DCLK1: variants seen among roughly 807,000 people sequenced by gnomAD.
DCLK1 encodes serine/threonine-protein kinase DCLK1.
A neutral mutation model predicts 86.2 loss-of-function variants in DCLK1; 16 were observed. The observed-to-expected ratio is 0.19, with a 90% CI of 0.13 to 0.28. The LOEUF (loss-of-function observed/expected upper bound fraction) is 0.28, where lower values mean the gene tolerates loss of function less well. DCLK1 is among the 10% of genes least tolerant of loss of function. DCLK1 has a pLI of 1.00. For missense variants in DCLK1, 590 were observed against 940.2 expected (o/e 0.63, Z 4.87); for synonymous variants, 369 against 370.5 (o/e 1.00, Z 0.05).
intron 4 of DCLK1, among the ~76,000 whole-genome samples, chr13:35,895,655 G>C (rs1873918797): frequency 6.6e-6 from 1 of 151,638 alleles, no homozygotes; most frequent in African/African-American, 2.4e-5. Context: ...CAAGATTTTA[G>C]AGAGGAACAC....
At chr13:36,100,016 T>C (rs980451074) in intron 3 of DCLK1, among the ~76,000 whole-genome samples, 2 of 151,542 alleles carry the variant, frequency 1.3e-5, no homozygotes, top group Non-Finnish European at 2.9e-5. Flanking sequence ...TGACACACAA[T>C]GTAAATAAAG....
intron 4 of DCLK1, among the ~76,000 whole-genome samples, chr13:35,887,758 G>T (rs1452901715): frequency 6.6e-6 from 1 of 151,494 alleles, no homozygotes; most frequent in Non-Finnish European, 1.5e-5. Context: ...AATAAAAATA[G>T]AAGCTTTCAA....
intron 15 of DCLK1, among the ~76,000 whole-genome samples, chr13:35,803,131 T>C (rs2086955772): frequency 6.6e-6 from 1 of 152,160 alleles, no homozygotes; most frequent in African/African-American, 2.4e-5. Flanking sequence ...AGTGAGGATA[T>C]CTGGCTGCAA....
chr13:35,872,918 T>C (rs1037631922), intron 4 of DCLK1, among the ~76,000 whole-genome samples: 1 of 152,210 alleles, frequency 6.6e-6, no homozygotes, highest in African/African-American at 2.4e-5. Flanking sequence ...TTATATATTA[T>C]AATCATCTTT....
intron 3 of DCLK1, among the ~76,000 whole-genome samples, chr13:36,102,613 C>T (rs1451265404): frequency 1.3e-5 from 2 of 152,226 alleles, no homozygotes; most frequent in African/African-American, 4.8e-5. Context: ...ATCATGGTGA[C>T]TGTGCTCCCA....
chr13:35,784,851 C>T (rs1405116930), intron 16 of DCLK1, among the ~76,000 whole-genome samples: 2 of 152,108 alleles, frequency 1.3e-5, no homozygotes, highest in African/African-American at 2.4e-5. Flanking sequence ...CTGGCCGAGG[C>T]GGGCCCTACA....
intron 3 of DCLK1, among the ~76,000 whole-genome samples, chr13:36,003,869 A>G (rs1308088311): frequency 6.6e-6 from 1 of 152,166 alleles, no homozygotes; most frequent in African/African-American, 2.4e-5. Context: ...TCTGTTGCCA[A>G]TTTTTCTAAT....
intron 5 of DCLK1, among the ~76,000 whole-genome samples, chr13:35,866,559 C>CCTGTATAG (rs1871806137): frequency 6.6e-6 from 1 of 150,920 alleles, no homozygotes; most frequent in South Asian, 2.1e-4. Context: ...GTCAAGCCAT[C>CCTGTATAG]CTGTATAGCT....
intron 4 of DCLK1, among the ~76,000 whole-genome samples, chr13:35,885,267 C>T (rs1873158518): frequency 6.6e-6 from 1 of 151,968 alleles, no homozygotes; most frequent in African/African-American, 2.4e-5. Flanking sequence ...TTTCTCCAAT[C>T]AAAATCATCT....
In DCLK1 at chr13:36,056,656, AC is replaced by A. The variant is rs200916058; in HGVS notation, c.723+55212del. ...AAAAAAGAAAGAAATTCCAGAGCACACAAAAAAAAAAATTAACCATATAATG... is the reference window on the plus strand; with the variant it reads ...AAAAAAGAAAGAAATTCCAGAGCACAAAAAAAAAAAATTAACCATATAATG... On this transcript the variant is annotated intron_variant, in intron 3 of 16. Transcript: ENST00000360631. 1.0e-2 allele frequency among the ~76,000 whole-genome samples: 1,032 copies of A among 103,628 alleles called. 11 individuals are homozygous for A. The highest frequency in any genetic ancestry group is 0.037 in the African/African-American group (793 of 21,642). 68.0% of individuals were successfully genotyped at this position (103,628 alleles called of 152,430 possible).
At chr13:36,120,833 GGTTA>G (rs1326013337) in intron 2 of DCLK1, among the ~76,000 whole-genome samples, 3 of 152,168 alleles carry the variant, frequency 2.0e-5, no homozygotes, top group Non-Finnish European at 4.4e-5. Flanking sequence ...TTTCTTAATG[GGTTA>G]GTTAATGGGA....
At chr13:35,885,428 G>C (rs1020007074) in intron 4 of DCLK1, among the ~76,000 whole-genome samples, 2 of 152,222 alleles carry the variant, frequency 1.3e-5, no homozygotes, top group African/African-American at 4.8e-5. Flanking sequence ...AAAACATTCA[G>C]ATTGTTGTGT....
intron 3 of DCLK1, among the ~76,000 whole-genome samples, chr13:36,094,398 A>G (rs983817379): frequency 1.3e-5 from 2 of 152,170 alleles, no homozygotes; most frequent in African/African-American, 4.8e-5. Flanking sequence ...TTAACAACAG[A>G]TAGTTAGAAT....
intron 3 of DCLK1, among the ~76,000 whole-genome samples, chr13:36,068,228 A>T (rs533438098): frequency 2.6e-5 from 4 of 152,302 alleles, no homozygotes; most frequent in African/African-American, 9.6e-5. Flanking sequence ...GACCTGGCTG[A>T]TTTCATGCTG....
intron 3 of DCLK1, among the ~76,000 whole-genome samples, chr13:36,045,624 G>A (rs2153156198): frequency 1.3e-5 from 2 of 152,006 alleles, no homozygotes; most frequent in South Asian, 4.2e-4. Context: ...GCCCAAGGCT[G>A]GCAGATCACT....
intron 4 of DCLK1, among the ~76,000 whole-genome samples, chr13:35,882,950 C>T (rs9565624): frequency 0.082 from 12,480 of 152,192 alleles, 856 homozygotes; most frequent in South Asian, 0.27. Context: ...GGTGATGTGA[C>T]AGCGAGTGGC....
chr13:35,936,249 A>T (rs1024750531), intron 4 of DCLK1, among the ~76,000 whole-genome samples: 2 of 152,222 alleles, frequency 1.3e-5, no homozygotes, highest in Non-Finnish European at 2.9e-5. Context: ...TGCTTTGAAG[A>T]TTATCCTTGC....
chr13:35,797,150 T>C (rs1018710890), intron 15 of DCLK1, among the ~76,000 whole-genome samples: 2 of 152,168 alleles, frequency 1.3e-5, no homozygotes, highest in African/African-American at 4.8e-5. Flanking sequence ...AGGGTTGCCG[T>C]ATGATCGGCA....
chr13:36,068,609 A>G (rs888749573), intron 3 of DCLK1, among the ~76,000 whole-genome samples: 1 of 151,968 alleles, frequency 6.6e-6, no homozygotes, highest in African/African-American at 2.4e-5. Context: ...CAAAAATTCT[A>G]TATTTAATAA....
Sources: allele counts gnomAD v4.1 joint callset (sites outside exome capture counted in the v4.1 genomes callset), GRCh38; gene constraint gnomAD v4.1.1; transcripts MANE v1.5; gene names NCBI Gene and HGNC (gene_info 2026-07-23, HGNC 2026-07-21).